Variants in PLEK2 observed in about 807,000 individuals in gnomAD.
The protein encoded by PLEK2 is pleckstrin 2.
PLEK2 carries 29 observed loss-of-function variants against 43.8 expected under a neutral mutation model. The observed-to-expected ratio is 0.66, with a 90% CI of 0.49 to 0.90. PLEK2 has a LOEUF of 0.90. Ranked by LOEUF, PLEK2 falls within the 40% of genes least tolerant of loss-of-function variation. The probability of loss-of-function intolerance (pLI) is 0.00; values close to 1 mark genes in which losing one functional copy is unlikely to be tolerated. For missense variants in PLEK2, 398 were observed against 448.1 expected (o/e 0.89, Z 1.01); for synonymous variants, 162 against 173.2 (o/e 0.94, Z 0.51).
intron 3 of PLEK2, 75 bp downstream of exon 3, chr14:67,395,327 C>CA (rs948203405): frequency 2.2e-6 from 3 of 1,368,916 alleles, no homozygotes; most frequent in African/African-American, 2.9e-5. Context: ...AGAGCCCCCC[C>CA]AAGGGGCAGG....
intron 1 of PLEK2, 37 bp downstream of exon 1, chr14:67,411,981 C>G: frequency 6.6e-7 from 1 of 1,518,520 alleles, no homozygotes; most frequent in Non-Finnish European, 8.8e-7. Context: ...GGCGGGGCCC[C>G]ACCCGGGCAA....
intron 3 of PLEK2, 78 bp from the exon 4 acceptor site, chr14:67,393,319 A>G: frequency 7.5e-6 from 7 of 939,596 alleles, no homozygotes; most frequent in Non-Finnish European, 1.1e-5. Context: ...AGTCACTGCT[A>G]AGGGTATAAA....
At position 67,392,881 on chromosome 14, in the gene PLEK2, G is replaced by A. The variant is rs773216396; in HGVS notation, c.482-32C>T. On this transcript the variant is annotated intron_variant, in intron 4 of 8. Coordinates refer to ENST00000216446, the MANE Select transcript of PLEK2 (RefSeq NM_016445.3). Reference sequence around the variant, plus strand: ...AAGGGCAGCACCAGTCAGGCGATGGGTGATGGACCAGCGTCCTTGGGGTGT... The same window carrying A: ...AAGGGCAGCACCAGTCAGGCGATGGATGATGGACCAGCGTCCTTGGGGTGT... 8 of 1,562,952 alleles carry A rather than the reference G, an allele frequency of 5.1e-6. No homozygotes were observed. The South Asian group carries it at 8.1e-5, about 16-fold the overall frequency.
chr14:67,394,387 C>A (rs750207265), intron 3 of PLEK2, among the ~76,000 whole-genome samples: 9 of 151,962 alleles, frequency 5.9e-5, no homozygotes, highest in Non-Finnish European at 1.2e-4. Flanking sequence ...CTGAGTGAGA[C>A]CCTGTCCCCA....
chr14:67,391,681 A>G (rs2085969392), intron 6 of PLEK2, among the ~76,000 whole-genome samples: 1 of 152,214 alleles, frequency 6.6e-6, no homozygotes, highest in South Asian at 2.1e-4. Context: ...AATGTCTGCT[A>G]CACTTCCTGG....
At chr14:67,391,794 C>T (rs2085970284) in intron 6 of PLEK2, among the ~76,000 whole-genome samples, 1 of 152,208 alleles carries the variant, frequency 6.6e-6, no homozygotes, top group Non-Finnish European at 1.5e-5. Context: ...GCTGCTCTCC[C>T]AAACACGGTT....
At chr14:67,404,048 C>CA (rs2086064169) in intron 1 of PLEK2, among the ~76,000 whole-genome samples, 1 of 150,614 alleles carries the variant, frequency 6.6e-6, no homozygotes, top group Non-Finnish European at 1.5e-5. Flanking sequence ...GTGAGACTGC[C>CA]AAAAAAATTT....
At chr14:67,407,130 C>CT (rs796742095) in intron 1 of PLEK2, among the ~76,000 whole-genome samples, 3 of 151,260 alleles carry the variant, frequency 2.0e-5, no homozygotes, top group African/African-American at 2.4e-5. Flanking sequence ...ATTACTATTA[C>CT]TTTTTTTTTG....
chr14:67,392,454 C>G, intron 5 of PLEK2, 27 bp from the exon 6 acceptor site: 1 of 1,549,152 alleles, frequency 6.5e-7, no homozygotes, highest in East Asian at 2.2e-5. Flanking sequence ...AGCAAGGACT[C>G]TGCTACAGAA....
rs758815577 is a variant in PLEK2, at chr14:67,393,132, C to G, written c.481+18G>C. On this transcript the variant is annotated intron_variant, in intron 4 of 8. Coordinates refer to ENST00000216446, the MANE Select transcript of PLEK2 (RefSeq NM_016445.3). ...TCCCAGCTTGACTGCCCAGCCCGGC[C>G]CTGGGGGACAGGCTCACCGAGGAAG... The G allele has an allele frequency of 6.3e-7, 1 of 1,581,860 alleles. No individual in the cohort carries two copies. Among genetic ancestry groups the G allele is most frequent in the Non-Finnish European group, 8.7e-7 (1 of 1,150,576 alleles).
At chr14:67,399,681 A>T (rs1190996081) in intron 1 of PLEK2, among the ~76,000 whole-genome samples, 1 of 147,728 alleles carries the variant, frequency 6.8e-6, no homozygotes, top group Admixed American at 6.7e-5. Context: ...AGGGTGGTTT[A>T]GGTGGGTCTC....
In PLEK2 at chr14:67,408,345, AAAATAAAAT is replaced by A. The variant is rs1171175266; in HGVS notation, c.42+3664_42+3672del. On this transcript the variant is annotated intron_variant, in intron 1 of 8. Coordinates refer to ENST00000216446, the MANE Select transcript of PLEK2 (RefSeq NM_016445.3). ...AAAATAAAATAAAATAAAATAAAAT[AAAATAAAAT>A]AAAAAAAGAAAAAACAAAGATGGGA... Among the ~76,000 whole-genome samples, 1,000 of 147,314 alleles carry A rather than the reference AAAATAAAAT, an allele frequency of 6.8e-3. 19 individuals are homozygous for A. Among genetic ancestry groups the A allele is most frequent in the South Asian group, 0.022 (94 of 4,226 alleles).
chr14:67,400,301 G>T (rs954410816), intron 1 of PLEK2, among the ~76,000 whole-genome samples: 8 of 152,208 alleles, frequency 5.3e-5, no homozygotes. Context: ...TTCCATGAGA[G>T]GGTTCATGCA....
Position 67,395,433 on chromosome 14 carries a change from A to T in PLEK2, c.358T>A (p.Ser120Thr), listed in dbSNP as rs369333572. Residue 120 changes from serine (S) to threonine (T), a missense_variant, in exon 3 of 9, where the codon TCC becomes ACC. Transcript: ENST00000216446. ...CTGATGTGCGGGGGCAGCTTGAAGG[A>T]GTTTCTCAGGCTGTGCAGCTGCTGG... ...KVQQLHSLRN[S>T]FKLPPHISLH... The T allele has an allele frequency of 2.6e-5, 42 of 1,613,902 alleles. 1 individual carries two copies. The highest frequency in any genetic ancestry group is 3.4e-5 in the Non-Finnish European group (40 of 1,179,864).
Position 67,392,703 on chromosome 14 carries a change from C to A in PLEK2, c.628G>T (p.Ala210Ser). 1 of 1,614,096 alleles carries A rather than the reference C, an allele frequency of 6.2e-7. No individual in the cohort carries two copies. The change falls in exon 5 of 9, where the codon GCC (alanine) becomes TCC (serine). Residue 210 changes from alanine (A) to serine (S), a missense_variant. Ala to Ser is a moderately conservative substitution (Grantham distance 99). Transcript: ENST00000216446. ...SMGAIRSGDL[A>S]EQFLDDSTAL... is the part of the protein sequence containing the mutation. ...GTGGAGTCATCCAGGAACTGCTCGG[C>A]CAGATCCCCAGAGCGAATGGCTCCC...
intron 2 of PLEK2, among the ~76,000 whole-genome samples, 166 bp downstream of exon 2, chr14:67,397,496 T>C (rs1370201165): frequency 2.6e-5 from 4 of 152,242 alleles, no homozygotes; most frequent in African/African-American, 9.6e-5. Flanking sequence ...GTTTAGCTAC[T>C]TGTCCAAGCT....
intron 3 of PLEK2, 93 bp downstream of exon 3, chr14:67,395,309 G>C (rs2085998878): frequency 2.8e-6 from 3 of 1,086,146 alleles, no homozygotes; most frequent in Middle Eastern, 3.1e-4. Flanking sequence ...AGACTGTGCA[G>C]CAAGCACAGA....
intron 1 of PLEK2, among the ~76,000 whole-genome samples, chr14:67,398,421 C>T (rs937640391): frequency 6.6e-6 from 1 of 152,172 alleles, no homozygotes; most frequent in African/African-American, 2.4e-5. Flanking sequence ...CCATGTTCAC[C>T]TGACTATTCT....
chr14:67,402,924 TG>T (rs2086058186), intron 1 of PLEK2, among the ~76,000 whole-genome samples: 2 of 152,222 alleles, frequency 1.3e-5, no homozygotes. Context: ...TCCTTTCTTT[TG>T]GGTATATACC....
Sources: gnomAD v4.1 joint callset for allele counts (sites outside exome capture counted in the v4.1 genomes callset) on GRCh38, gnomAD v4.1.1 for gene constraint, MANE v1.5 for transcripts, NCBI Gene and HGNC (gene_info 2026-07-23, HGNC 2026-07-21) for gene names.